The following MS4A15 variants were observed in gnomAD, a reference collection of about 807,000 sequenced individuals.
MS4A15 encodes the protein membrane spanning 4-domains A15.
In MS4A15, 22 loss-of-function variants were observed where a neutral mutation model predicts 20.6. The observed-to-expected ratio is 1.07, with a 90% CI of 0.76 to 1.52. The LOEUF is 1.52. MS4A15 is among the 40% of genes most tolerant of loss of function. The probability of loss-of-function intolerance (pLI) is 0.00; values close to 1 mark genes in which losing one functional copy is unlikely to be tolerated. For missense variants in MS4A15, 312 were observed against 323.0 expected (o/e 0.97, Z 0.26); for synonymous variants, 129 against 129.3 (o/e 1.00, Z 0.02).
intron 1 of MS4A15, among the ~76,000 whole-genome samples, chr11:60,758,165 C>T (rs114015256): frequency 9.6e-4 from 146 of 152,250 alleles, no homozygotes; most frequent in African/African-American, 3.3e-3. Context: ...ACTTGATATG[C>T]TATTGGGAAC....
rs1225945114 is a variant in MS4A15, at chr11:60,776,683, T to A, written c.*968T>A. On this transcript the variant is annotated 3_prime_UTR_variant, in exon 7 of 7. Transcript: ENST00000405633. ...CACCAGGCCTGGTAGATGAGATGGC[T>A]TGTCTCATCCACACCACAGAAGGAA... is the stretch of plus-strand genomic sequence containing the variant. 6.6e-6 allele frequency: 1 copy of A among 152,232 alleles called. No homozygotes were observed. The highest frequency in any genetic ancestry group is 1.5e-5 in the Non-Finnish European group (1 of 68,062). 9.4% of individuals were successfully genotyped at this position (152,232 alleles called of 1,614,324 possible). A position where few individuals can be genotyped will look rare whatever the true frequency, so the allele number is the denominator to read the frequency against.
chr11:60,758,274 C>T (rs1038902940), intron 1 of MS4A15, among the ~76,000 whole-genome samples: 11 of 151,292 alleles, frequency 7.3e-5, no homozygotes, highest in Middle Eastern at 6.4e-3. Flanking sequence ...AAAAAAATCC[C>T]GTAAGACAAT....
chr11:60,772,249 G>A (rs1253526635), intron 4 of MS4A15, among the ~76,000 whole-genome samples: 1 of 152,154 alleles, frequency 6.6e-6, no homozygotes, highest in African/African-American at 2.4e-5. Context: ...GGAGAGGCCG[G>A]GGAGGTGACT....
At chr11:60,760,177 C>T (rs752886132) in intron 1 of MS4A15, among the ~76,000 whole-genome samples, 4 of 152,206 alleles carry the variant, frequency 2.6e-5, no homozygotes, top group African/African-American at 4.8e-5. Flanking sequence ...CAGAAGGGAA[C>T]GCTCGAGCTA....
rs1854203403 is a variant in MS4A15, at chr11:60,776,719, T to C, written c.*1004T>C. ...ACACCACAGAAGGAAATAAACCATG[T>C]GGCTTAAATTTTGAGCTGGTCTTGT... On this transcript the variant is annotated 3_prime_UTR_variant, in exon 7 of 7. Coordinates refer to ENST00000405633, the MANE Select transcript of MS4A15 (RefSeq NM_001098835.2). 6.6e-6 allele frequency: 1 copy of C among 152,260 alleles called. No individual in the cohort carries two copies. The highest frequency in any genetic ancestry group is 2.4e-5 in the African/African-American group (1 of 41,472). 9.4% of individuals were successfully genotyped at this position (152,260 alleles called of 1,614,324 possible). A position where few individuals can be genotyped will look rare whatever the true frequency, so the allele number is the denominator to read the frequency against.
chr11:60,759,886 T>G (rs1853690800), intron 1 of MS4A15, among the ~76,000 whole-genome samples: 1 of 152,174 alleles, frequency 6.6e-6, no homozygotes, highest in Non-Finnish European at 1.5e-5. Flanking sequence ...GTTCACCCTG[T>G]TCTTCTGCCG....
chr11:60,764,368 G>T (rs995230637), intron 2 of MS4A15, among the ~76,000 whole-genome samples: 1 of 152,148 alleles, frequency 6.6e-6, no homozygotes, highest in African/African-American at 2.4e-5. Flanking sequence ...GAGTGTGGCT[G>T]TTAAAGGAAG....
intron 4 of MS4A15, chr11:60,771,597 C>G (rs944568884): frequency 1.3e-6 from 2 of 1,505,956 alleles, no homozygotes. Context: ...ATGGTCATTC[C>G]GAGAAAGGAA....
chr11:60,764,235 G>T (rs10792291), intron 2 of MS4A15, among the ~76,000 whole-genome samples: 2 of 151,932 alleles, frequency 1.3e-5, no homozygotes, highest in African/African-American at 2.4e-5. Flanking sequence ...GTGGAAACTT[G>T]TCTCTGGGGA....
Position 60,763,913 on chromosome 11 carries a change from G to GC in MS4A15, c.181dup (p.Arg61ProfsTer171). 6.2e-7 allele frequency: 1 copy of GC among 1,613,102 alleles called. No homozygotes were observed. The highest frequency in any genetic ancestry group is 8.5e-7 in the Non-Finnish European group (1 of 1,179,900). On this transcript the variant is annotated frameshift_variant, in exon 2 of 7. Transcript: ENST00000405633. LOFTEE classifies it high-confidence loss of function. The stretch of plus-strand genomic sequence containing the variant: ...CAAGGGCCACACAGCCACCTGACTT[G>GC]CGGCCCGTGGAGACATTCCTGACAG...
intron 3 of MS4A15, 80 bp downstream of exon 3, chr11:60,767,735 ATCC>A: frequency 7.0e-7 from 1 of 1,425,320 alleles, no homozygotes; most frequent in Non-Finnish European, 9.2e-7. Flanking sequence ...CACCCCCACC[ATCC>A]TCCTGGGCAC....
At position 60,771,286 on chromosome 11, in the gene MS4A15, T is replaced by A. The variant is rs776938220; in HGVS notation, c.349-5T>A. 1.2e-5 allele frequency: 20 copies of A among 1,613,602 alleles called. No individual in the cohort carries two copies. The highest frequency in any genetic ancestry group is 1.5e-5 in the Non-Finnish European group (18 of 1,179,940). On this transcript the variant is annotated splice_polypyrimidine_tract_variant and splice_region_variant and intron_variant, in intron 3 of 6. Transcript: ENST00000405633. Reference sequence around the variant, plus strand: ...GGCCTCACCTGGTCCCCTCTCCCCATACAGTTCATCATCTCCGGATCCCTC... The same window carrying A: ...GGCCTCACCTGGTCCCCTCTCCCCAAACAGTTCATCATCTCCGGATCCCTC...
Position 60,773,460 on chromosome 11 carries a change from C to T in MS4A15, c.474C>T (p.Leu158=). 1 of 1,614,000 alleles carries T rather than the reference C, an allele frequency of 6.2e-7. No individual in the cohort carries two copies. Among genetic ancestry groups the T allele is most frequent in the Non-Finnish European group, 8.5e-7 (1 of 1,179,992 alleles). ...CCTTTGCTGGGACAGCCATTCTGCT[C>T]ATGGATTTTGGTGTTACCAACCGGG... is the stretch of plus-strand genomic sequence containing the variant. ...MAAFAGTAIL[L]MDFGVTNRDV... Residue 158 remains leucine, a synonymous_variant, in exon 5 of 7, where the codon CTC becomes CTT. Coordinates refer to ENST00000405633, the MANE Select transcript of MS4A15 (RefSeq NM_001098835.2).
chr11:60,761,315 G>C (rs10792290), intron 1 of MS4A15, among the ~76,000 whole-genome samples: 150,577 of 152,250 alleles, frequency 0.99, 74,485 homozygotes, highest in Middle Eastern at 1. Flanking sequence ...TACTATCAGT[G>C]TAAAAGGGAT....
chr11:60,758,570 A>G (rs1317318604), intron 1 of MS4A15, among the ~76,000 whole-genome samples: 1 of 152,218 alleles, frequency 6.6e-6, no homozygotes, highest in African/African-American at 2.4e-5. Flanking sequence ...GGAACCACAT[A>G]TTGTAATTGT....
chr11:60,762,794 T>G (rs1853779562), intron 1 of MS4A15, among the ~76,000 whole-genome samples: 1 of 152,122 alleles, frequency 6.6e-6, no homozygotes, highest in African/African-American at 2.4e-5. Flanking sequence ...GCATTTGAGG[T>G]TGGGGCATGG....
chr11:60,769,033 A>G (rs1339662471), intron 3 of MS4A15, among the ~76,000 whole-genome samples: 1 of 152,192 alleles, frequency 6.6e-6, no homozygotes, highest in Non-Finnish European at 1.5e-5. Context: ...AAGGTGGAGG[A>G]AAATTTTGCA....
intron 1 of MS4A15, among the ~76,000 whole-genome samples, chr11:60,758,449 G>A (rs911622038): frequency 2.0e-5 from 3 of 152,174 alleles, no homozygotes; most frequent in African/African-American, 7.2e-5. Context: ...TTGTCAGACA[G>A]CAATAACTCC....
At chr11:60,764,099 A>G (rs1853821571) in intron 2 of MS4A15, 141 bp downstream of exon 2, 3 of 741,988 alleles carry the variant, frequency 4.0e-6, no homozygotes, top group Non-Finnish European at 6.5e-6. Context: ...CACCAGGTAG[A>G]CAAGCACCCT....
Sources: gnomAD v4.1 joint callset for allele counts (sites outside exome capture counted in the v4.1 genomes callset) on GRCh38, gnomAD v4.1.1 for gene constraint, MANE v1.5 for transcripts, NCBI Gene and HGNC (gene_info 2026-07-23, HGNC 2026-07-21) for gene names.